Variants in PLEKHG1 observed in about 807,000 individuals in gnomAD.
PLEKHG1 encodes the protein pleckstrin homology and RhoGEF domain containing G1, also known as pleckstrin homology domain-containing family G member 1.
PLEKHG1 carries 44 observed loss-of-function variants against 100.8 expected under a neutral mutation model. That is an observed-to-expected ratio of 0.44 (90% CI 0.34 to 0.56). The LOEUF is 0.56. Ranked by LOEUF, PLEKHG1 falls within the 20% of genes least tolerant of loss-of-function variation. The pLI, the probability that PLEKHG1 is intolerant of heterozygous loss-of-function variation, is 0.01. For missense variants in PLEKHG1, 1,545 were observed against 1,720.9 expected (o/e 0.90, Z 1.81); for synonymous variants, 640 against 662.5 (o/e 0.97, Z 0.52).
intron 1 of PLEKHG1, among the ~76,000 whole-genome samples, chr6:150,627,321 A>C (rs1271051320): frequency 6.6e-6 from 1 of 152,218 alleles, no homozygotes; most frequent in Admixed American, 6.5e-5. Context: ...GTGACTCAAA[A>C]GCATCACTTT....
At chr6:150,840,755 C>A (rs1777489893) in exon 16 of PLEKHG1, 1 of 1,614,034 alleles carries the variant, frequency 6.2e-7, no homozygotes, top group Non-Finnish European at 8.5e-7. Context: ...GCAAACTTGG[C>A]CTTTCACCAT....
chr6:150,753,992 A>G (rs4869945), intron 2 of PLEKHG1, among the ~76,000 whole-genome samples: 48,967 of 152,188 alleles, frequency 0.32, 11,311 homozygotes, highest in African/African-American at 0.65. Context: ...TGCTGGGAAC[A>G]CTAAAGCACA....
At chr6:150,840,220 A>G in exon 16 of PLEKHG1, 1 of 1,614,240 alleles carries the variant, frequency 6.2e-7, no homozygotes, top group Non-Finnish European at 8.5e-7. Context: ...TGTCAGGACC[A>G]TCTTTACAAC....
upstream of PLEKHG1, among the ~76,000 whole-genome samples, chr6:150,719,910 G>T (rs1169076291): frequency 1.3e-5 from 2 of 152,146 alleles, no homozygotes; most frequent in African/African-American, 4.8e-5. Flanking sequence ...TATTTAAATA[G>T]CCATGTGTAG....
chr6:150,608,163 A>G (rs917553786), intron 1 of PLEKHG1, among the ~76,000 whole-genome samples: 51 of 152,304 alleles, frequency 3.3e-4, no homozygotes, highest in African/African-American at 1.0e-3. Flanking sequence ...ACCTTTAGCC[A>G]CTTAGAATTC....
intron 3 of PLEKHG1, among the ~76,000 whole-genome samples, chr6:150,655,180 G>C (rs1030411385): frequency 6.6e-6 from 1 of 152,186 alleles, no homozygotes; most frequent in Non-Finnish European, 1.5e-5. Flanking sequence ...TTACACTGCT[G>C]GTGGGAGTGT....
chr6:150,742,611 C>T (rs1250381878), intron 2 of PLEKHG1, among the ~76,000 whole-genome samples: 1 of 150,658 alleles, frequency 6.6e-6, no homozygotes, highest in Non-Finnish European at 1.5e-5. Context: ...GGAGGGCCCG[C>T]ACACTCAACC....
Position 150,831,175 on chromosome 6 carries a change from G to A in PLEKHG1, c.2064G>A (p.Arg688=). 1 of 1,614,062 alleles carries A rather than the reference G, an allele frequency of 6.2e-7. No individual in the cohort carries two copies. The highest frequency in any genetic ancestry group is 8.5e-7 in the Non-Finnish European group (1 of 1,179,982). The change falls in exon 15 of 16, where the codon AGG becomes AGA. Residue 688 remains arginine, a synonymous_variant. Transcript: ENST00000358517. The surrounding 1 kb of genome is among the most constrained non-coding windows in gnomAD (Gnocchi z 4.1). ...AATCCACTCCCTCTAAATCAGCCAG[G>A]GACTCCGTTCGCCCCAAGAGCACCC... is the stretch of plus-strand genomic sequence containing the variant.
chr6:150,713,098 G>A (rs1159014897), intron 3 of PLEKHG1, among the ~76,000 whole-genome samples: 3 of 152,218 alleles, frequency 2.0e-5, no homozygotes, highest in Non-Finnish European at 4.4e-5. Context: ...CCTGGTACAT[G>A]AGGGCGAGTA....
intron 2 of PLEKHG1, among the ~76,000 whole-genome samples, chr6:150,737,327 C>T (rs1782618189): frequency 6.8e-6 from 1 of 147,410 alleles, no homozygotes; most frequent in East Asian, 2.0e-4. Context: ...CTTTGTCGCC[C>T]AGGCTGGAGT....
In PLEKHG1 at chr6:150,699,614, A is replaced by T. The variant is rs192445082; in HGVS notation, c.-98-33970A>T. Among the ~76,000 whole-genome samples, 8 of 152,334 alleles carry T rather than the reference A, an allele frequency of 5.3e-5. No homozygotes were observed. In the East Asian group the frequency reaches 1.5e-3, roughly 29 times the overall value. ...CATTGAGAACAAGCGATGTTCTATG[A>T]GCCCTTAGTATGTGTCTGGCTCAGT... On this transcript the variant is annotated intron_variant, in intron 3 of 3. Transcript: ENST00000367326.
chr6:150,777,483 CAT>C (rs1289935751), intron 3 of PLEKHG1, among the ~76,000 whole-genome samples: 1 of 148,044 alleles, frequency 6.8e-6, no homozygotes, highest in Non-Finnish European at 1.5e-5. Context: ...TCCTGGTGCA[CAT>C]GTGCAGTTGC....
intron 1 of PLEKHG1, among the ~76,000 whole-genome samples, chr6:150,728,262 C>T (rs1436531523): frequency 6.6e-6 from 1 of 152,106 alleles, no homozygotes; most frequent in Non-Finnish European, 1.5e-5. Context: ...ATATGAACTA[C>T]TTATGTAATT....
chr6:150,742,962 T>A (rs1782960727), intron 2 of PLEKHG1, among the ~76,000 whole-genome samples: 1 of 152,074 alleles, frequency 6.6e-6, no homozygotes, highest in Non-Finnish European at 1.5e-5. Context: ...CAAGGAGACA[T>A]GGAGATACAT....
At chr6:150,737,735 C>T (rs1782646760) in intron 2 of PLEKHG1, among the ~76,000 whole-genome samples, 1 of 152,144 alleles carries the variant, frequency 6.6e-6, no homozygotes, top group South Asian at 2.1e-4. Context: ...AAGAAAAGTG[C>T]TGCTCATTGA....
At chr6:150,837,548 T>A (rs751375584) in intron 15 of PLEKHG1, among the ~76,000 whole-genome samples, 4 of 152,270 alleles carry the variant, frequency 2.6e-5, no homozygotes, top group Non-Finnish European at 5.9e-5. Context: ...TTTAAAGTTC[T>A]ACTACATTTT....
chr6:150,617,703 C>G (rs59898120), intron 1 of PLEKHG1, among the ~76,000 whole-genome samples: 1 of 152,288 alleles, frequency 6.6e-6, no homozygotes, highest in South Asian at 2.1e-4. Context: ...GCCAACTGCT[C>G]TAAGTCAGCT....
chr6:150,763,025 T>TTC (rs5880897), intron 2 of PLEKHG1, among the ~76,000 whole-genome samples: 2 of 8,104 alleles, frequency 2.5e-4, no homozygotes, highest in South Asian at 0.014. Context: ...ATAAAGCTTC[T>TTC]TTTTTTTTTT....
At chr6:150,739,210 TGAGA>T (rs1562477400) in intron 2 of PLEKHG1, among the ~76,000 whole-genome samples, 1 of 152,230 alleles carries the variant, frequency 6.6e-6, no homozygotes, top group South Asian at 2.1e-4. Context: ...CGTTGAGCTC[TGAGA>T]GATACTAAAT....
Sources: allele counts gnomAD v4.1 joint callset (sites outside exome capture counted in the v4.1 genomes callset), GRCh38; gene constraint gnomAD v4.1.1; non-coding constraint Gnocchi (gnomAD v3.1); transcripts MANE v1.5; gene names NCBI Gene and HGNC (gene_info 2026-07-23, HGNC 2026-07-21).